The following LGR6 variants were observed in gnomAD, a reference collection of about 807,000 sequenced individuals.
LGR6 encodes leucine-rich repeat-containing G protein-coupled receptor 6.
A neutral mutation model predicts 69.4 loss-of-function variants in LGR6; 45 were observed. The ratio of observed to expected loss-of-function variants is 0.65; its 90% CI spans 0.51 to 0.83. The LOEUF (loss-of-function observed/expected upper bound fraction) is 0.83, where lower values mean the gene tolerates loss of function less well. LGR6 is among the 40% of genes least tolerant of loss of function. LGR6 has a pLI of 0.00. For synonymous variants in LGR6, 538 were observed against 555.0 expected (o/e 0.97, Z 0.43); for missense variants, 1,108 against 1,246.7 (o/e 0.89, Z 1.68).
intron 6 of LGR6, among the ~76,000 whole-genome samples, chr1:202,286,389 A>AT (rs1186401845): frequency 2.6e-5 from 4 of 151,946 alleles, no homozygotes; most frequent in African/African-American, 4.8e-5. Context: ...AATTAGAAAT[A>AT]TTTTTTTTCT....
chr1:202,280,775 GTGCAGGCATT>G lies in LGR6; in HGVS notation c.645-1_653del, dbSNP rs1558059267. 6.2e-7 allele frequency: 1 copy of G among 1,614,082 alleles called. No homozygotes were observed. The highest frequency in any genetic ancestry group is 2.2e-5 in the East Asian group (1 of 44,886). On this transcript the variant is annotated splice_acceptor_variant and splice_polypyrimidine_tract_variant and coding_sequence_variant and intron_variant, in exon 6 of 18. Coordinates refer to ENST00000367278, the MANE Select transcript of LGR6 (RefSeq NM_001017403.2). LOFTEE classifies it high-confidence loss of function. The stretch of plus-strand genomic sequence containing the variant: ...CCATTCTGATGCGTCTTTCCTTCCC[GTGCAGGCATT>G]TGCATAACAACCGCATCCAGCATCT...
intron 1 of LGR6, among the ~76,000 whole-genome samples, chr1:202,218,250 C>T (rs570548328): frequency 2.6e-5 from 4 of 152,270 alleles, no homozygotes; most frequent in Admixed American, 1.3e-4. Flanking sequence ...TAGAGGAAAG[C>T]GCCTGCTATT....
chr1:202,193,816 C>G lies in LGR6; in HGVS notation c.-174C>G. 3 of 304,264 alleles carry G rather than the reference C, an allele frequency of 9.9e-6. No individual in the cohort carries two copies. Among genetic ancestry groups the G allele is most frequent in the Non-Finnish European group, 1.8e-5 (3 of 167,634 alleles). 18.8% of individuals were successfully genotyped at this position (304,264 alleles called of 1,614,324 possible). On this transcript the variant is annotated 5_prime_UTR_variant, in exon 1 of 18. Coordinates refer to ENST00000367278, the MANE Select transcript of LGR6 (RefSeq NM_001017403.2). ...CGAAGATCACTCAACAATGCCTGCC[C>G]CTCTCTGACTGCACCGTCCCGGCGC...
intron 1 of LGR6, among the ~76,000 whole-genome samples, chr1:202,204,341 T>C (rs1474736063): frequency 2.8e-4 from 16 of 57,480 alleles, no homozygotes; most frequent in South Asian, 6.1e-4. Flanking sequence ...CACACACACC[T>C]CCACACACAC....
Position 202,193,943 on chromosome 1 carries a change from T to C in LGR6, c.-47T>C. 1 of 1,199,292 alleles carries C rather than the reference T, an allele frequency of 8.3e-7. No homozygotes were observed. The highest frequency in any genetic ancestry group is 1.1e-6 in the Non-Finnish European group (1 of 943,672). The allele number at this position is 1,199,292 out of a possible 1,614,324, so 74.3% of individuals were successfully genotyped here. On this transcript the variant is annotated 5_prime_UTR_variant, in exon 1 of 18. Transcript: ENST00000367278. Reference sequence around the variant, plus strand: ...GGAAGCAGCTGCGGCCATCGCGCCGTGCGTCCGCGCCCGGCCGCCAGGTGC... The same window carrying C: ...GGAAGCAGCTGCGGCCATCGCGCCGCGCGTCCGCGCCCGGCCGCCAGGTGC...
chr1:202,238,725 A>ATT (rs35307555), intron 4 of LGR6, among the ~76,000 whole-genome samples: 167 of 146,834 alleles, frequency 1.1e-3, no homozygotes, highest in Middle Eastern at 3.6e-3. Context: ...GCCCAGCTCT[A>ATT]TTTTTTTTTT....
In LGR6 at chr1:202,235,993, TGTGA is replaced by T. The variant is rs1422526860; in HGVS notation, c.428+3_428+6del. 1 of 1,613,410 alleles carries T rather than the reference TGTGA, an allele frequency of 6.2e-7. No homozygotes were observed. The highest frequency in any genetic ancestry group is 8.5e-7 in the Non-Finnish European group (1 of 1,179,606). On this transcript the variant is annotated splice_donor_variant and splice_donor_region_variant and intron_variant, in intron 4 of 17. Coordinates refer to ENST00000367278, the MANE Select transcript of LGR6 (RefSeq NM_001017403.2). LOFTEE classifies it high-confidence loss of function. ...TGGGAGCTGCCGAGCCTGCAGTCGC[TGTGA>T]GTCATTAGAGGGCTGGTCTGGGAGT... is the stretch of plus-strand genomic sequence containing the variant.
At chr1:202,265,861 C>T (rs1470882528) in intron 4 of LGR6, among the ~76,000 whole-genome samples, 3 of 152,190 alleles carry the variant, frequency 2.0e-5, no homozygotes, top group Non-Finnish European at 2.9e-5. Context: ...GGGGACATAG[C>T]CCGCGTCTTC....
rs144082995 is a variant in LGR6 at position 202,234,075 on chromosome 1, G to A, written c.357-1847G>A. Reference sequence around the variant, plus strand: ...AACTGGAAAGGCCCCTCTGGCATTGGGTGGAGCCTGGATTGAAGGGGACAC... The same window carrying A: ...AACTGGAAAGGCCCCTCTGGCATTGAGTGGAGCCTGGATTGAAGGGGACAC... On this transcript the variant is annotated intron_variant, in intron 3 of 17. Coordinates refer to ENST00000367278, the MANE Select transcript of LGR6 (RefSeq NM_001017403.2). Among the ~76,000 whole-genome samples, 329 of 152,330 alleles carry A rather than the reference G, an allele frequency of 2.2e-3. 1 individual carries two copies. The highest frequency in any genetic ancestry group is 7.6e-3 in the African/African-American group (314 of 41,576).
At chr1:202,304,919 A>G (rs766949396) in intron 11 of LGR6, among the ~76,000 whole-genome samples, 4 of 152,248 alleles carry the variant, frequency 2.6e-5, no homozygotes, top group Non-Finnish European at 5.9e-5. Flanking sequence ...TAAAGCACCT[A>G]GTGCATAATA....
At chr1:202,278,278 T>G (rs1251027400) in intron 5 of LGR6, among the ~76,000 whole-genome samples, 1 of 151,954 alleles carries the variant, frequency 6.6e-6, no homozygotes, top group Admixed American at 6.5e-5. Context: ...GTGAGGGCTG[T>G]TTTGAAGGAA....
Position 202,297,635 on chromosome 1 carries a change from C to T in LGR6, c.785+59C>T. ...TCTGTCCCAAGGGCAGGGGCTGAAG[C>T]CAGCCTGAGCTGCCTCATGCTCTTA... On this transcript the variant is annotated intron_variant, in intron 7 of 17. Transcript: ENST00000367278. 4.3e-6 allele frequency: 6 copies of T among 1,380,020 alleles called. No homozygotes were observed. In the South Asian group the frequency reaches 7.2e-5, roughly 17 times the overall value. 85.5% of individuals were successfully genotyped at this position (1,380,020 alleles called of 1,614,324 possible).
At chr1:202,210,453 T>G (rs1659420790) in intron 1 of LGR6, among the ~76,000 whole-genome samples, 1 of 143,984 alleles carries the variant, frequency 6.9e-6, no homozygotes, top group Non-Finnish European at 1.5e-5. Flanking sequence ...ACAAAAACCC[T>G]AGGCTGGAGC....
At chr1:202,244,721 C>G (rs1400568770) in intron 4 of LGR6, among the ~76,000 whole-genome samples, 1 of 152,068 alleles carries the variant, frequency 6.6e-6, no homozygotes, top group African/African-American at 2.4e-5. Context: ...AAATAATGTC[C>G]CATTTACAGG....
chr1:202,302,501 G>A (rs1230461154), intron 9 of LGR6, among the ~76,000 whole-genome samples: 2 of 152,084 alleles, frequency 1.3e-5, no homozygotes, highest in African/African-American at 4.8e-5. Context: ...GTGGGAAGGA[G>A]GAAAACCACC....
chr1:202,272,894 A>G (rs1391583011), intron 4 of LGR6, among the ~76,000 whole-genome samples: 2 of 152,054 alleles, frequency 1.3e-5, no homozygotes, highest in Non-Finnish European at 2.9e-5. Context: ...GCACCTCCTT[A>G]TGGTACATGG....
chr1:202,205,667 TCAAA>T (rs1447926168), intron 1 of LGR6, among the ~76,000 whole-genome samples: 10 of 103,392 alleles, frequency 9.7e-5, no homozygotes, highest in African/African-American at 3.8e-4. Flanking sequence ...CACACCTCCC[TCAAA>T]CATACACACA....
intron 4 of LGR6, among the ~76,000 whole-genome samples, chr1:202,249,402 G>A (rs1203278952): frequency 2.0e-5 from 3 of 152,104 alleles, no homozygotes; most frequent in African/African-American, 7.2e-5. Context: ...AATTCTTTGG[G>A]AGCTCTGCCC....
rs200930419 is a variant in LGR6, at chr1:202,228,791, C to T, written c.356+784C>T. Reference sequence around the variant, plus strand: ...AGATAGGAGAGGTTCCCAGGGAGGTCGCGTTGCCACAGGGTCTGGTTTGGG... The same window carrying T: ...AGATAGGAGAGGTTCCCAGGGAGGTTGCGTTGCCACAGGGTCTGGTTTGGG... On this transcript the variant is annotated intron_variant, in intron 3 of 17. Transcript: ENST00000367278. 2.4e-4 allele frequency among the ~76,000 whole-genome samples: 36 copies of T among 152,148 alleles called. No individual in the cohort carries two copies. In the East Asian group the frequency reaches 6.4e-3, roughly 27 times the overall value.
Sources: gnomAD v4.1 joint callset for allele counts (sites outside exome capture counted in the v4.1 genomes callset) on GRCh38, gnomAD v4.1.1 for gene constraint, MANE v1.5 for transcripts, NCBI Gene and HGNC (gene_info 2026-07-23, HGNC 2026-07-21) for gene names.